The following GRHL1 variants were observed in gnomAD, a reference collection of about 807,000 sequenced individuals.
GRHL1 encodes the protein grainyhead-like protein 1 homolog.
Under a neutral mutation model 75.7 loss-of-function variants are expected in GRHL1, and 38 were observed. The ratio of observed to expected loss-of-function variants is 0.50; its 90% CI spans 0.39 to 0.66. The LOEUF (loss-of-function observed/expected upper bound fraction) is 0.66, where lower values mean the gene tolerates loss of function less well. Ranked by LOEUF, GRHL1 falls within the 30% of genes least tolerant of loss-of-function variation. The pLI is 0.00. For synonymous variants in GRHL1, 266 were observed against 279.4 expected (o/e 0.95, Z 0.48); for missense variants, 589 against 767.5 (o/e 0.77, Z 2.75).
chr2:9,953,298 G>A (rs987416929), intron 1 of GRHL1, among the ~76,000 whole-genome samples: 15 of 152,210 alleles, frequency 9.9e-5, no homozygotes, highest in African/African-American at 3.6e-4. Flanking sequence ...TAGTCTTCTG[G>A]AAGTAGCTAT....
chr2:9,984,945 G>A (rs1558309690), intron 8 of GRHL1, among the ~76,000 whole-genome samples: 2 of 151,630 alleles, frequency 1.3e-5, no homozygotes, highest in Admixed American at 6.6e-5. Context: ...GCGCACACCT[G>A]TGATCCCAGC....
chr2:9,966,410 GAAA>G, intron 8 of GRHL1: 1 of 147,934 alleles, frequency 6.8e-6, no homozygotes, highest in South Asian at 2.2e-4. Context: ...CCAAAAAAAA[GAAA>G]AAAAAAACTC....
At chr2:9,998,587 T>C (rs796893819) in intron 14 of GRHL1, among the ~76,000 whole-genome samples, 3 of 60,376 alleles carry the variant, frequency 5.0e-5, no homozygotes, top group Non-Finnish European at 6.1e-5. Context: ...CATATGTACA[T>C]ATATATGTAC....
At position 9,998,574 on chromosome 2, in the gene GRHL1, A is replaced by G. The variant is rs144266262; in HGVS notation, c.1678-391A>G. 3.0e-5 allele frequency among the ~76,000 whole-genome samples: 2 copies of G among 65,910 alleles called. 1 individual carries two copies. The highest frequency in any genetic ancestry group is 5.9e-5 in the Non-Finnish European group (2 of 34,086). 43.2% of individuals were successfully genotyped at this position (65,910 alleles called of 152,430 possible). ...TATATATGTGTGTACATGTATATATATACATATGTACATATATATGTACAC... is the reference window on the plus strand; with the variant it reads ...TATATATGTGTGTACATGTATATATGTACATATGTACATATATATGTACAC... On this transcript the variant is annotated intron_variant, in intron 14 of 15. Transcript: ENST00000324907.
At chr2:9,965,766 G>C (rs997496930) in intron 8 of GRHL1, 2 of 185,184 alleles carry the variant, frequency 1.1e-5, no homozygotes, top group African/African-American at 4.7e-5. Flanking sequence ...GAGTGGCTTT[G>C]AGAAAGGCTC....
At chr2:9,979,040 A>C (rs1301486370) in intron 8 of GRHL1, among the ~76,000 whole-genome samples, 1 of 150,884 alleles carries the variant, frequency 6.6e-6, no homozygotes, top group Non-Finnish European at 1.5e-5. Context: ...CGCGCCTGTA[A>C]TCCTAGCTAC....
chr2:9,998,313 A>G (rs548568966), intron 14 of GRHL1, among the ~76,000 whole-genome samples: 18 of 151,424 alleles, frequency 1.2e-4, no homozygotes, highest in African/African-American at 4.4e-4. Flanking sequence ...AGCTCATTAC[A>G]GTGAGGGGCA....
chr2:9,975,242 A>G (rs533512394), intron 8 of GRHL1, among the ~76,000 whole-genome samples: 37 of 152,328 alleles, frequency 2.4e-4, no homozygotes, highest in African/African-American at 7.7e-4. Context: ...TGAAGGGATA[A>G]ACCTGTATTT....
chr2:9,964,417 T>C lies in GRHL1; in HGVS notation c.1015+71T>C. 6 of 829,348 alleles carry C rather than the reference T, an allele frequency of 7.2e-6. No individual in the cohort carries two copies. In the South Asian group the frequency reaches 9.7e-5, roughly 13 times the overall value. The allele number at this position is 829,348 out of a possible 1,614,324, so 51.4% of individuals were successfully genotyped here. ...CCAGTTTTCTAAATCCAATTATTTT[T>C]GGCAGTGATCAGCTTCCTGCCGAAA... On this transcript the variant is annotated intron_variant, in intron 7 of 15. Coordinates refer to ENST00000324907, the MANE Select transcript of GRHL1 (RefSeq NM_198182.3).
intron 8 of GRHL1, among the ~76,000 whole-genome samples, chr2:9,969,474 G>A (rs1181607808): frequency 1.3e-5 from 2 of 152,098 alleles, no homozygotes; most frequent in African/African-American, 4.8e-5. Context: ...TAAAAATGTA[G>A]GTATTACTAT....
In GRHL1 at chr2:9,965,330, G is replaced by T; in HGVS notation, c.1059G>T (p.Glu353Asp). 2 of 1,612,496 alleles carry T rather than the reference G, an allele frequency of 1.2e-6. No individual in the cohort carries two copies. The highest frequency in any genetic ancestry group is 4.5e-5 in the East Asian group (2 of 44,864). ...ESFNTISNIE[E>D]IAYNAISFTW... ...TCAACACTATCAGTAACATCGAGGA[G>T]ATTGCGTATAACGCCATTTCCTTCA... The change falls in exon 8 of 16, where the codon GAG becomes GAT. Residue 353 changes from glutamate to aspartate, a missense_variant. Around this residue, in one of 5 missense-constraint regions of GRHL1, gnomAD observed 362 missense variants for 461.8 expected, o/e 0.78. Coordinates refer to ENST00000324907, the MANE Select transcript of GRHL1 (RefSeq NM_198182.3).
chr2:9,981,807 C>T (rs79228975), intron 8 of GRHL1, among the ~76,000 whole-genome samples: 4,001 of 152,322 alleles, frequency 0.026, 174 homozygotes, highest in African/African-American at 0.091. Context: ...GCGTGAGACA[C>T]AGAGATGATT....
rs17455130 is a variant in GRHL1, at chr2:9,968,875, C to T, written c.1110+3494C>T. ...GGATCTAGGCTCCTGCCACTAGTTC[C>T]GCAGGCCAGGTAGATAGTGGCATAA... On this transcript the variant is annotated intron_variant, in intron 8 of 15. Coordinates refer to ENST00000324907, the MANE Select transcript of GRHL1 (RefSeq NM_198182.3). This position sits in a 1 kb window ranked among gnomAD's most constrained non-coding sequence, Gnocchi z 4.7. Among the ~76,000 whole-genome samples, 22,340 of 152,194 alleles carry T rather than the reference C, an allele frequency of 0.15. 1,909 individuals carry two copies. The highest frequency in any genetic ancestry group is 0.19 in the Non-Finnish European group (13,097 of 67,994).
At chr2:9,952,685 T>C (rs1666842487) in intron 1 of GRHL1, among the ~76,000 whole-genome samples, 1 of 152,134 alleles carries the variant, frequency 6.6e-6, no homozygotes, top group African/African-American at 2.4e-5. Flanking sequence ...TTTCTGAAAA[T>C]ATAAAATTGT....
chr2:9,983,492 G>A (rs1549752), intron 8 of GRHL1, among the ~76,000 whole-genome samples: 36,092 of 152,066 alleles, frequency 0.24, 4,524 homozygotes, highest in Admixed American at 0.34. Context: ...TGTTTGCCCC[G>A]ATCCTGGGAT....
At chr2:9,954,167 T>C (rs1386795724) in intron 1 of GRHL1, among the ~76,000 whole-genome samples, 1 of 152,246 alleles carries the variant, frequency 6.6e-6, no homozygotes, top group Non-Finnish European at 1.5e-5. Context: ...GCAAAGATTT[T>C]TTAAAAGCCA....
At position 9,955,066 on chromosome 2, in the gene GRHL1, G is replaced by A; in HGVS notation, c.172G>A (p.Ala58Thr). Reference sequence around the variant, plus strand: ...GAGCATCAATGGAGATGAAGACAGCGCCGCTGCGCTGGGCCTGCTCTATGA... The same window carrying A: ...GAGCATCAATGGAGATGAAGACAGCACCGCTGCGCTGGGCCTGCTCTATGA... ...MMSINGDEDS[A>T]AALGLLYDYY... Residue 58 changes from alanine to threonine, a missense_variant, in exon 2 of 16, where the codon GCC (alanine) becomes ACC (threonine). Ala to Thr is a moderately conservative substitution (Grantham distance 58). This residue lies in a region of GRHL1 where 362 missense variants were observed against 461.8 expected (regional missense o/e 0.78). Transcript: ENST00000324907. 1 of 1,613,662 alleles carries A rather than the reference G, an allele frequency of 6.2e-7. No individual in the cohort carries two copies. The highest frequency in any genetic ancestry group is 8.5e-7 in the Non-Finnish European group (1 of 1,179,604).
chr2:9,991,920 C>T (rs1668661159), intron 10 of GRHL1, 87 bp from the exon 11 acceptor site: 4 of 1,029,052 alleles, frequency 3.9e-6, no homozygotes, highest in Admixed American at 2.5e-5. Context: ...GTATCTTACT[C>T]AGAGGCGAGC....
At chr2:9,964,195 C>A in intron 6 of GRHL1, 40 bp from the exon 7 acceptor site, 1 of 1,365,448 alleles carries the variant, frequency 7.3e-7, no homozygotes, top group South Asian at 1.2e-5. Flanking sequence ...ACATACTCAC[C>A]CTTTAGTGTC....
Sources: gnomAD v4.1 joint callset for allele counts (sites outside exome capture counted in the v4.1 genomes callset) on GRCh38, gnomAD v4.1.1 for gene constraint, gnomAD v4.1.1 regional missense constraint, Gnocchi (gnomAD v3.1) non-coding constraint, MANE v1.5 for transcripts, NCBI Gene and HGNC (gene_info 2026-07-23, HGNC 2026-07-21) for gene names.